The following CPNE4 variants were observed in gnomAD, a reference collection of about 807,000 sequenced individuals.
CPNE4 encodes the protein copine-4.
CPNE4 carries 25 observed loss-of-function variants against 67.9 expected under a neutral mutation model. The observed-to-expected ratio is 0.37, with a 90% CI of 0.27 to 0.51. The LOEUF (loss-of-function observed/expected upper bound fraction) is 0.51, where lower values mean the gene tolerates loss of function less well. Among genes scored for constraint, CPNE4 ranks in the 20% least tolerant of loss-of-function variants. The pLI is 0.93. For missense variants in CPNE4, 464 were observed against 690.8 expected (o/e 0.67, Z 3.68); for synonymous variants, 242 against 244.9 (o/e 0.99, Z 0.11).
intron 2 of CPNE4, among the ~76,000 whole-genome samples, chr3:131,893,795 A>G (rs192765074): frequency 2.9e-4 from 44 of 152,084 alleles, no homozygotes; most frequent in Admixed American, 2.5e-3. Context: ...TCATACCAAA[A>G]CCTGTGGAAT....
chr3:131,849,239 G>C (rs1178796717), intron 2 of CPNE4, among the ~76,000 whole-genome samples: 1 of 152,062 alleles, frequency 6.6e-6, no homozygotes, highest in Admixed American at 6.6e-5. Flanking sequence ...ATAGAATATA[G>C]CAGAAGGGAT....
intron 2 of CPNE4, among the ~76,000 whole-genome samples, chr3:131,799,663 A>C (rs2084020505): frequency 6.6e-6 from 1 of 152,128 alleles, no homozygotes; most frequent in Admixed American, 6.6e-5. Context: ...GGCCACATAC[A>C]ATCACTGTTT....
intron 1 of CPNE4, among the ~76,000 whole-genome samples, chr3:131,920,405 C>A (rs775497050): frequency 2.6e-5 from 4 of 152,128 alleles, no homozygotes; most frequent in Non-Finnish European, 5.9e-5. Flanking sequence ...TCTGGTTTAG[C>A]TTTCTCTCAC....
At chr3:131,903,912 C>A (rs1281680047) in intron 2 of CPNE4, among the ~76,000 whole-genome samples, 1 of 152,102 alleles carries the variant, frequency 6.6e-6, no homozygotes, top group African/African-American at 2.4e-5. Context: ...ATACAAAGAA[C>A]CCCACTGTTT....
chr3:131,977,234 G>C (rs181839076), intron 1 of CPNE4, among the ~76,000 whole-genome samples: 2 of 152,128 alleles, frequency 1.3e-5, no homozygotes, highest in Non-Finnish European at 2.9e-5. Flanking sequence ...GAGCTAAAGG[G>C]TAAAGGAGAC....
At chr3:131,827,857 A>G (rs985559166) in intron 2 of CPNE4, among the ~76,000 whole-genome samples, 2 of 152,020 alleles carry the variant, frequency 1.3e-5, no homozygotes, top group Non-Finnish European at 2.9e-5. Context: ...CTTGCAAGAT[A>G]CCAGTCTGGT....
rs767398343 is a variant in CPNE4 at position 131,953,245 on chromosome 3, A to ATT, written c.-1-47802_-1-47801insAA. ...ACACCCAAGAATGATCAATTAAAAA[A>ATT]AAAAAAAAAAAAAAAAAAAAAGAAT... On this transcript the variant is annotated intron_variant, in intron 1 of 15. Transcript: ENST00000429747. Among the ~76,000 whole-genome samples the ATT allele has an allele frequency of 6.4e-5, 9 of 140,588 alleles. No individual in the cohort carries two copies. The East Asian group carries it at 1.2e-3, about 19-fold the overall frequency. The allele number at this position is 140,588 out of a possible 152,430, so 92.2% of individuals were successfully genotyped here. A position where few individuals can be genotyped will look rare whatever the true frequency, so the allele number is the denominator to read the frequency against.
chr3:131,971,121 C>T (rs954856757), intron 1 of CPNE4, among the ~76,000 whole-genome samples: 36 of 152,156 alleles, frequency 2.4e-4, no homozygotes, highest in African/African-American at 7.2e-4. Context: ...ACATGTCTGA[C>T]GCCGTGGGGA....
At chr3:131,905,093 A>G (rs2088693887) in intron 2 of CPNE4, among the ~76,000 whole-genome samples, 171 bp downstream of exon 2, 1 of 152,160 alleles carries the variant, frequency 6.6e-6, no homozygotes, top group Non-Finnish European at 1.5e-5. Context: ...ATGTCAAAAT[A>G]TCCACAACAT....
At chr3:131,784,333 T>C (rs2083498836) in intron 2 of CPNE4, among the ~76,000 whole-genome samples, 1 of 152,118 alleles carries the variant, frequency 6.6e-6, no homozygotes, top group African/African-American at 2.4e-5. Context: ...CTTTGGTTCC[T>C]GCACTGGTAC....
chr3:131,587,137 G>A (rs1243332290), intron 8 of CPNE4, among the ~76,000 whole-genome samples: 1 of 152,122 alleles, frequency 6.6e-6, no homozygotes, highest in Non-Finnish European at 1.5e-5. Flanking sequence ...TATGAGGTAG[G>A]TACAATTATC....
chr3:131,983,294 C>T (rs2072956671), intron 1 of CPNE4, among the ~76,000 whole-genome samples: 1 of 152,122 alleles, frequency 6.6e-6, no homozygotes, highest in Admixed American at 6.5e-5. Flanking sequence ...TTTTACACTA[C>T]AATTTTAAAT....
chr3:131,943,105 T>C (rs559127136), intron 1 of CPNE4, among the ~76,000 whole-genome samples: 2 of 152,180 alleles, frequency 1.3e-5, no homozygotes, highest in Non-Finnish European at 2.9e-5. Flanking sequence ...AAAGTATAAT[T>C]TGTAACACCC....
intron 1 of CPNE4, among the ~76,000 whole-genome samples, chr3:131,985,311 C>T (rs1179538404): frequency 6.6e-6 from 1 of 152,178 alleles, no homozygotes; most frequent in African/African-American, 2.4e-5. Flanking sequence ...ACACATCAGT[C>T]TATAACAACC....
At chr3:132,038,133 C>CTTTTTTTCTATTTCAAGTGA (rs1560828296), upstream of CPNE4, among the ~76,000 whole-genome samples, 2 of 150,214 alleles carry the variant, frequency 1.3e-5, no homozygotes, top group Non-Finnish European at 1.5e-5. Flanking sequence ...AAAATTTGTT[C>CTTTTTTTCTATTTCAAGTGA]TTTTTTTCTA....
chr3:131,643,270 G>T (rs1010342174), intron 7 of CPNE4, among the ~76,000 whole-genome samples: 3 of 152,196 alleles, frequency 2.0e-5, no homozygotes, highest in African/African-American at 7.2e-5. Context: ...TAGGGTATCT[G>T]GTGGAAGGTA....
At chr3:131,988,312 CAG>C (rs2073101708) in intron 1 of CPNE4, among the ~76,000 whole-genome samples, 1 of 152,080 alleles carries the variant, frequency 6.6e-6, no homozygotes, top group African/African-American at 2.4e-5. Flanking sequence ...CTTGATGAGC[CAG>C]GTTAAGGATT....
chr3:131,602,855 G>T (rs1023658382), intron 7 of CPNE4, among the ~76,000 whole-genome samples: 8 of 152,144 alleles, frequency 5.3e-5, no homozygotes, highest in Non-Finnish European at 1.0e-4. Context: ...CTGATGGGTG[G>T]TTGGATTCAG....
chr3:131,848,981 A>AAAAC lies in CPNE4; in HGVS notation c.180+56282_180+56283insGTTT, dbSNP rs1297906130. On this transcript the variant is annotated intron_variant, in intron 2 of 15. Coordinates refer to ENST00000429747, the MANE Select transcript of CPNE4 (RefSeq NM_130808.3). ...CAAAAAAAAAAAAAAAAAAAAAAAA[A>AAAAC]ACACAGAGATATCATCCACCTCCTC... Among the ~76,000 whole-genome samples, 438 of 141,748 alleles carry AAAAC rather than the reference A, an allele frequency of 3.1e-3. 9 individuals are homozygous for AAAAC. The highest frequency in any genetic ancestry group is 0.019 in the Middle Eastern group (5 of 260). 93.0% of individuals were successfully genotyped at this position (141,748 alleles called of 152,430 possible).
Sources: gnomAD v4.1 joint callset for allele counts (sites outside exome capture counted in the v4.1 genomes callset) on GRCh38, gnomAD v4.1.1 for gene constraint, MANE v1.5 for transcripts, NCBI Gene and HGNC (gene_info 2026-07-23, HGNC 2026-07-21) for gene names.